Variants in PCCA observed in about 807,000 individuals in gnomAD.
PCCA encodes propionyl-CoA carboxylase alpha chain, mitochondrial.
In PCCA, 74 loss-of-function variants were observed where a neutral mutation model predicts 101.3. That is an observed-to-expected ratio of 0.73 (90% CI 0.61 to 0.89). The LOEUF is 0.89. PCCA is among the 40% of genes least tolerant of loss of function. The pLI, the probability that PCCA is intolerant of heterozygous loss-of-function variation, is 0.00. For missense variants in PCCA, 891 were observed against 907.0 expected, an observed-to-expected ratio of 0.98 and a Z score of 0.23; for synonymous variants, 294 against 313.6, an observed-to-expected ratio of 0.94 and a Z score of 0.66.
At chr13:100,434,397 C>T (rs2079779080) in intron 20 of PCCA, among the ~76,000 whole-genome samples, 1 of 152,076 alleles carries the variant, frequency 6.6e-6, no homozygotes, top group African/African-American at 2.4e-5. Flanking sequence ...TACTTCAGAG[C>T]TGCTATATTG....
intron 19 of PCCA, among the ~76,000 whole-genome samples, chr13:100,400,797 T>C (rs919425693): frequency 6.6e-6 from 1 of 151,932 alleles, no homozygotes; most frequent in African/African-American, 2.4e-5. Context: ...GGCTAATTTG[T>C]GTATTTTTAG....
intron 19 of PCCA, among the ~76,000 whole-genome samples, chr13:100,376,039 T>G (rs1595660028): frequency 1.3e-5 from 2 of 152,348 alleles, no homozygotes; most frequent in East Asian, 3.9e-4. Context: ...GGACCTCCTT[T>G]TTATTGATGT....
At chr13:100,328,011 C>T (rs1341039153) in intron 16 of PCCA, among the ~76,000 whole-genome samples, 1 of 152,064 alleles carries the variant, frequency 6.6e-6, no homozygotes, top group Non-Finnish European at 1.5e-5. Context: ...ATCACTTGAG[C>T]CCAGGAGTTC....
intron 21 of PCCA, among the ~76,000 whole-genome samples, chr13:100,449,698 C>CA (rs1435453235): frequency 1.3e-5 from 2 of 152,178 alleles, no homozygotes; most frequent in Admixed American, 6.5e-5. Flanking sequence ...CCATGTTGGC[C>CA]AGGCTGGCCT....
intron 6 of PCCA, among the ~76,000 whole-genome samples, chr13:100,173,033 A>G (rs908136066): frequency 6.6e-6 from 1 of 152,076 alleles, no homozygotes; most frequent in East Asian, 1.9e-4. Context: ...TTTTTTCCCC[A>G]TATGACTATT....
At chr13:100,221,342 G>A (rs777477737) in intron 7 of PCCA, among the ~76,000 whole-genome samples, 3 of 152,192 alleles carry the variant, frequency 2.0e-5, no homozygotes, top group African/African-American at 7.2e-5. Flanking sequence ...CGCTCAGTGG[G>A]CCTCAGAGAA....
intron 19 of PCCA, among the ~76,000 whole-genome samples, chr13:100,410,808 T>C (rs527927088): frequency 3.2e-4 from 48 of 152,336 alleles, no homozygotes; most frequent in African/African-American, 1.1e-3. Context: ...TTTGCATTAG[T>C]GTCAAATCGG....
chr13:100,288,453 C>G (rs529332468), intron 12 of PCCA, among the ~76,000 whole-genome samples: 2 of 152,148 alleles, frequency 1.3e-5, no homozygotes, highest in African/African-American at 4.8e-5. Context: ...TGCATCACCA[C>G]GCCTGGCTAA....
chr13:100,221,277 C>G (rs894778175), intron 7 of PCCA, among the ~76,000 whole-genome samples: 3 of 152,170 alleles, frequency 2.0e-5, no homozygotes, highest in Non-Finnish European at 4.4e-5. Context: ...GAAATTGGAC[C>G]TCTACCCAGT....
rs979164083 is a variant in PCCA, at chr13:100,188,966, C to A, written c.469-20366C>A. Among the ~76,000 whole-genome samples the A allele has an allele frequency of 3.3e-5, 5 of 151,818 alleles. No homozygotes were observed. In the East Asian group the frequency reaches 9.7e-4, roughly 29 times the overall value. On this transcript the variant is annotated intron_variant, in intron 6 of 23. Coordinates refer to ENST00000376285, the MANE Select transcript of PCCA (RefSeq NM_000282.4). ...GTTTTGTTATATAGGTATACATGTG[C>A]CATGGTGGTTTGCTGCACCCATCAA... is the stretch of plus-strand genomic sequence containing the variant.
intron 7 of PCCA, among the ~76,000 whole-genome samples, chr13:100,214,665 A>G (rs999138037): frequency 1.3e-5 from 2 of 151,986 alleles, no homozygotes; most frequent in African/African-American, 4.8e-5. Context: ...TGACCTTGTG[A>G]TCCACCCACC....
At chr13:100,466,986 C>T (rs7333958) in intron 21 of PCCA, among the ~76,000 whole-genome samples, 33,212 of 152,124 alleles carry the variant, frequency 0.22, 3,739 homozygotes, top group Admixed American at 0.24. Flanking sequence ...GGGGGACGAT[C>T]GTTGCTTGCT....
rs541807414 is a variant in PCCA, at chr13:100,429,826, C to T, written c.1845+4095C>T. On this transcript the variant is annotated intron_variant, in intron 20 of 23. Transcript: ENST00000376285. The stretch of plus-strand genomic sequence containing the variant: ...TTCGCCATGTTGGCCAGGCTGGTCT[C>T]GAACTCCTGACCTCAGGTCATCCAC... Among the ~76,000 whole-genome samples, 8 of 151,148 alleles carry T rather than the reference C, an allele frequency of 5.3e-5. 1 individual carries two copies. Among genetic ancestry groups the T allele is most frequent in the African/African-American group, 1.2e-4 (5 of 41,324 alleles).
chr13:100,190,246 G>A (rs143942877), intron 6 of PCCA, among the ~76,000 whole-genome samples: 225 of 152,252 alleles, frequency 1.5e-3, no homozygotes, highest in African/African-American at 4.8e-3. Context: ...TGATTCCTGT[G>A]TGTTCAACTT....
intron 8 of PCCA, among the ~76,000 whole-genome samples, chr13:100,254,122 T>A (rs1165087941): frequency 6.6e-6 from 1 of 151,684 alleles, no homozygotes; most frequent in Non-Finnish European, 1.5e-5. Flanking sequence ...AGAGAATGAG[T>A]GCCAGCAGGG....
chr13:100,361,672 T>A (rs2074616719), intron 18 of PCCA, among the ~76,000 whole-genome samples: 1 of 152,054 alleles, frequency 6.6e-6, no homozygotes, highest in Non-Finnish European at 1.5e-5. Context: ...TTACTAGTCA[T>A]GGGGGAAATA....
chr13:100,332,041 C>T (rs2069687869), intron 17 of PCCA, among the ~76,000 whole-genome samples: 1 of 148,070 alleles, frequency 6.8e-6, no homozygotes, highest in South Asian at 2.1e-4. Flanking sequence ...CGGTTTCAAG[C>T]GATTCTCCTG....
intron 4 of PCCA, among the ~76,000 whole-genome samples, chr13:100,113,172 A>G (rs958581917): frequency 1.3e-5 from 2 of 152,232 alleles, no homozygotes; most frequent in African/African-American, 2.4e-5. Context: ...ACACACCTAT[A>G]TAGTATAGCC....
intron 4 of PCCA, among the ~76,000 whole-genome samples, chr13:100,130,863 TTA>T (rs1295018694): frequency 4.6e-5 from 7 of 152,330 alleles, no homozygotes; most frequent in Admixed American, 2.6e-4. Flanking sequence ...GGTTTCAAAA[TTA>T]CACAACCTAT....
Sources: allele counts gnomAD v4.1 joint callset (sites outside exome capture counted in the v4.1 genomes callset), GRCh38; gene constraint gnomAD v4.1.1; transcripts MANE v1.5; gene names NCBI Gene and HGNC (gene_info 2026-07-23, HGNC 2026-07-21).